POFUT3: variants seen among roughly 807,000 people sequenced by gnomAD.
POFUT3 encodes the protein GDP-fucose protein O-fucosyltransferase 3.
At chr8:33,325,047 T>A in the POFUT3 span, among the ~76,000 whole-genome samples, 5 of 152,216 alleles carry the variant, frequency 3.3e-5, no homozygotes, top group Admixed American at 6.5e-5. Context: ...TCTCAAATAC[T>A]TTAATGGCTT....
At chr8:33,322,620 G>C in the POFUT3 span, among the ~76,000 whole-genome samples, 5 of 152,032 alleles carry the variant, frequency 3.3e-5, no homozygotes, top group Admixed American at 3.3e-4. Flanking sequence ...AGTATAAAAG[G>C]GTAGAATATT....
chr8:33,369,422 T>A, the POFUT3 span, among the ~76,000 whole-genome samples: 1 of 152,192 alleles, frequency 6.6e-6, no homozygotes, highest in Non-Finnish European at 1.5e-5. Flanking sequence ...ACAGTAAAGA[T>A]ATTACCATTA....
the POFUT3 span, chr8:33,389,748 C>A: frequency 4.2e-5 from 67 of 1,613,970 alleles, no homozygotes; most frequent in Non-Finnish European, 5.4e-5. Flanking sequence ...ACAGCCCAGT[C>A]ATGATGGGCT....
chr8:33,384,089 T>C, the POFUT3 span, among the ~76,000 whole-genome samples: 1 of 152,140 alleles, frequency 6.6e-6, no homozygotes, highest in South Asian at 2.1e-4. Context: ...CTGATATTGA[T>C]GCACACCAAT....
chr8:33,418,643 A>G, the POFUT3 span, among the ~76,000 whole-genome samples: 93 of 152,242 alleles, frequency 6.1e-4, 1 homozygote, highest in African/African-American at 2.2e-3. Context: ...AAATGTGAGT[A>G]CAGCCACTAT....
At chr8:33,367,585 G>A in the POFUT3 span, among the ~76,000 whole-genome samples, 15 of 151,990 alleles carry the variant, frequency 9.9e-5, no homozygotes, top group Non-Finnish European at 2.1e-4. Context: ...TAGTGCTGCT[G>A]GGTTAGGGTC....
the POFUT3 span, among the ~76,000 whole-genome samples, chr8:33,430,195 C>T: frequency 3.6e-5 from 1 of 27,920 alleles, no homozygotes; most frequent in Admixed American, 2.7e-4. Context: ...CCTTGAAAGA[C>T]AGAGCACTGG....
At chr8:33,350,810 G>C in the POFUT3 span, among the ~76,000 whole-genome samples, 2 of 152,128 alleles carry the variant, frequency 1.3e-5, no homozygotes, top group Non-Finnish European at 2.9e-5. Context: ...CCAGGAAAAG[G>C]GGAGTATTGA....
chr8:33,438,621 A>G, the POFUT3 span, among the ~76,000 whole-genome samples: 1 of 152,178 alleles, frequency 6.6e-6, no homozygotes. Context: ...TCACACTGCT[A>G]ATGAAGACAA....
the POFUT3 span, among the ~76,000 whole-genome samples, chr8:33,360,199 C>T: frequency 6.6e-6 from 1 of 152,052 alleles, no homozygotes. Flanking sequence ...AATCCCACCA[C>T]TTTGGGAGGC....
the POFUT3 span, among the ~76,000 whole-genome samples, chr8:33,334,875 TA>T: frequency 6.6e-6 from 1 of 152,158 alleles, no homozygotes; most frequent in African/African-American, 2.4e-5. Flanking sequence ...CTGGGAGGCA[TA>T]AGGTGAGACG....
the POFUT3 span, among the ~76,000 whole-genome samples, chr8:33,363,986 A>G: frequency 6.6e-6 from 1 of 152,212 alleles, no homozygotes; most frequent in Non-Finnish European, 1.5e-5. Flanking sequence ...ATTTTGGACC[A>G]ATATCCCTGA....
the POFUT3 span, among the ~76,000 whole-genome samples, chr8:33,392,498 G>C: frequency 9.4e-4 from 143 of 152,154 alleles, no homozygotes; most frequent in Non-Finnish European, 1.8e-3. Context: ...AGAATTGCAT[G>C]AACTGGGGAC....
chr8:33,445,614 A>T, the POFUT3 span, among the ~76,000 whole-genome samples: 1,119 of 152,296 alleles, frequency 7.3e-3, 20 homozygotes, highest in African/African-American at 0.026. Context: ...TGTTTCTCCA[A>T]CACAGAAGAG....
the POFUT3 span, among the ~76,000 whole-genome samples, chr8:33,342,571 A>T: frequency 6.6e-6 from 1 of 152,232 alleles, no homozygotes; most frequent in Admixed American, 6.5e-5. Flanking sequence ...GTTCAATCTT[A>T]TTAGCCATTA....
At chr8:33,325,622 T>C in the POFUT3 span, among the ~76,000 whole-genome samples, 2 of 152,214 alleles carry the variant, frequency 1.3e-5, no homozygotes, top group African/African-American at 2.4e-5. Context: ...TACAATATTG[T>C]AGCAGATTCA....
chr8:33,453,098 CA>C, the POFUT3 span: 1 of 962,258 alleles, frequency 1.0e-6, no homozygotes, highest in Non-Finnish European at 1.6e-6. Flanking sequence ...CAAAGGAAAT[CA>C]GGGGTGTCAA....
At chr8:33,407,734 G>A in the POFUT3 span, among the ~76,000 whole-genome samples, 2 of 152,282 alleles carry the variant, frequency 1.3e-5, no homozygotes, top group Admixed American at 6.5e-5. Context: ...CAGGTGCAGT[G>A]GCTCACGCCT....
chr8:33,407,987 CAAA>C, the POFUT3 span, among the ~76,000 whole-genome samples: 42 of 83,742 alleles, frequency 5.0e-4, no homozygotes, highest in Middle Eastern at 5.7e-3. Flanking sequence ...GACTCCATCT[CAAA>C]AAAAAAAAAA....
Sources: allele counts gnomAD v4.1 joint callset (sites outside exome capture counted in the v4.1 genomes callset), GRCh38; gene constraint gnomAD v4.1.1; transcripts MANE v1.5; gene names NCBI Gene and HGNC (gene_info 2026-07-23, HGNC 2026-07-21).